ZNF721: variants seen among roughly 807,000 people sequenced by gnomAD.
ZNF721 encodes zinc finger protein 721.
A neutral mutation model predicts 2.4 loss-of-function variants in ZNF721; 2 were observed. The observed-to-expected ratio is 0.82, with a 90% CI of 0.34 to 2.58. The LOEUF is 2.58. Ranked by LOEUF, ZNF721 falls within the 30% of genes most tolerant of loss-of-function variation. The pLI is 0.11. For missense variants in ZNF721, 1,187 were observed against 1,085.5 expected, an observed-to-expected ratio of 1.09 and a Z score of -1.31; for synonymous variants, 398 against 381.8, an observed-to-expected ratio of 1.04 and a Z score of -0.50.
intron 1 of ZNF721, among the ~76,000 whole-genome samples, chr4:480,838 T>A (rs1553869366): frequency 7.4e-6 from 1 of 134,346 alleles, no homozygotes; most frequent in Admixed American, 7.4e-5. Flanking sequence ...GGGGGGGGAA[T>A]GCTGTTATAC....
chr4:473,938 T>C (rs782756453), intron 1 of ZNF721: 2 of 1,502,078 alleles, frequency 1.3e-6, no homozygotes, highest in Non-Finnish European at 1.8e-6. Context: ...CCGGTTCTGA[T>C]GAGGCCTCCC....
At chr4:448,648 A>C (rs1553864467) in intron 2 of ZNF721, among the ~76,000 whole-genome samples, 2 of 152,210 alleles carry the variant, frequency 1.3e-5, no homozygotes, top group Admixed American at 1.3e-4. Flanking sequence ...CAATCTTCAA[A>C]AAGAGAAGCA....
chr4:451,322 T>C (rs1270811452), intron 2 of ZNF721, among the ~76,000 whole-genome samples: 2 of 152,200 alleles, frequency 1.3e-5, no homozygotes, highest in African/African-American at 2.4e-5. Context: ...TCTATTCCTA[T>C]ACGTTAGTTA....
intron 2 of ZNF721, among the ~76,000 whole-genome samples, chr4:456,029 AG>A (rs1714835106): frequency 6.6e-6 from 1 of 151,388 alleles, no homozygotes; most frequent in African/African-American, 2.4e-5. Context: ...AAAAGAAAAC[AG>A]TCATGATCAC....
intron 2 of ZNF721, among the ~76,000 whole-genome samples, chr4:450,957 ATATATATAT>A (rs565840862): frequency 0.047 from 1,567 of 33,502 alleles, 44 homozygotes; most frequent in Non-Finnish European, 0.055. Context: ...AAAAAAAAAA[ATATATATAT>A]ATATATATAT....
rs1553863362 is a variant in ZNF721, at chr4:442,450, C to A, written c.2017G>T (p.Glu673Ter). The A allele has an allele frequency of 1.2e-6, 2 of 1,613,948 alleles. No homozygotes were observed. Among genetic ancestry groups the A allele is most frequent in the Admixed American group, 1.7e-5 (1 of 60,020 alleles). ...GACCATCCAAAGGCTTTGCCACACTCTTCACATTTGTAACTTTGCTCTCCA... is the reference window on the plus strand; with the variant it reads ...GACCATCCAAAGGCTTTGCCACACTATTCACATTTGTAACTTTGCTCTCCA... Reference protein sequence around the residue: ...LTGEQSYKCEECGKAFGWSIA... With the variant: ...LTGEQSYKCE The change falls in exon 3 of 3, where the codon GAG becomes TAG. Residue 673 changes from glutamate (E) to a stop codon, truncating the protein, a stop_gained. Transcript: ENST00000511833. LOFTEE classifies it low-confidence loss of function (END_TRUNC).
At chr4:482,830 G>A (rs557353544) in intron 1 of ZNF721, among the ~76,000 whole-genome samples, 1 of 152,202 alleles carries the variant, frequency 6.6e-6, no homozygotes, top group South Asian at 2.1e-4. Flanking sequence ...AGACAAAGAG[G>A]GCTTGTAGTT....
At chr4:450,982 T>C (rs1553864797) in intron 2 of ZNF721, among the ~76,000 whole-genome samples, 1 of 113,264 alleles carries the variant, frequency 8.8e-6, no homozygotes, top group Admixed American at 9.1e-5. Flanking sequence ...TATATATATA[T>C]ATATATATAT....
intron 2 of ZNF721, among the ~76,000 whole-genome samples, chr4:449,912 T>C (rs1360417073): frequency 7.9e-5 from 12 of 152,044 alleles, no homozygotes; most frequent in African/African-American, 2.9e-4. Context: ...TTAGTGAGAA[T>C]GAATAGAAAA....
chr4:493,675 TC>T (rs1389677302), intron 1 of ZNF721, among the ~76,000 whole-genome samples: 1 of 64,668 alleles, frequency 1.5e-5, no homozygotes, highest in Non-Finnish European at 2.9e-5. Flanking sequence ...GAAGATTCCA[TC>T]CCCCCCGCAA....
intron 2 of ZNF721, among the ~76,000 whole-genome samples, chr4:450,959 ATATATATATATATATAT>A (rs1714640520): frequency 3.2e-4 from 7 of 22,156 alleles, no homozygotes; most frequent in African/African-American, 8.6e-4. Flanking sequence ...AAAAAAAAAT[ATATATATATATATATAT>A]ATATATATAT....
chr4:461,123 C>G (rs1715055930), intron 2 of ZNF721, among the ~76,000 whole-genome samples: 1 of 152,134 alleles, frequency 6.6e-6, no homozygotes, highest in Admixed American at 6.6e-5. Flanking sequence ...ATCCTGATAA[C>G]AAAGCCTGGC....
intron 2 of ZNF721, among the ~76,000 whole-genome samples, chr4:450,955 AAATAT>A (rs1365179335): frequency 2.1e-4 from 6 of 27,950 alleles, no homozygotes; most frequent in African/African-American, 5.1e-4. Flanking sequence ...AAAAAAAAAA[AAATAT>A]ATATATATAT....
At chr4:495,046 C>G (rs1305867321) in intron 1 of ZNF721, among the ~76,000 whole-genome samples, 1 of 151,882 alleles carries the variant, frequency 6.6e-6, no homozygotes, top group Non-Finnish European at 1.5e-5. Context: ...CCATGCCCGG[C>G]TAATTTTTCG....
intron 1 of ZNF721, among the ~76,000 whole-genome samples, chr4:480,120 G>C (rs1483674889): frequency 6.6e-6 from 1 of 152,108 alleles, no homozygotes; most frequent in Non-Finnish European, 1.5e-5. Context: ...AATTAAAATA[G>C]GAATATGCCA....
intron 1 of ZNF721, among the ~76,000 whole-genome samples, chr4:494,290 T>C (rs528778582): frequency 4.6e-5 from 7 of 151,616 alleles, no homozygotes; most frequent in African/African-American, 1.7e-4. Flanking sequence ...CACGCCATTC[T>C]CCTGCTGCAA....
rs1714640584 is a variant in ZNF721 at position 450,959 on chromosome 4, ATATATATATATATATATAT to A, written c.35-6546_35-6528del. 1.8e-4 allele frequency among the ~76,000 whole-genome samples: 4 copies of A among 22,174 alleles called. 1 individual carries two copies. Among genetic ancestry groups the A allele is most frequent in the Non-Finnish European group, 2.9e-4 (4 of 13,618 alleles). 14.5% of individuals were successfully genotyped at this position (22,174 alleles called of 152,430 possible). ...CTCCAAAAAAAAAAAAAAAAAAAAT[ATATATATATATATATATAT>A]ATATATATATATATATATCCCAAAA... On this transcript the variant is annotated intron_variant, in intron 2 of 2. Transcript: ENST00000511833.
chr4:482,556 G>T (rs1446729844), intron 1 of ZNF721, among the ~76,000 whole-genome samples: 8 of 151,920 alleles, frequency 5.3e-5, no homozygotes, highest in African/African-American at 1.9e-4. Context: ...AAGTGAAGTG[G>T]CGTGATCTCG....
chr4:499,131 G>T lies in ZNF721; in HGVS notation c.-169C>A. 1 of 587,448 alleles carries T rather than the reference G, an allele frequency of 1.7e-6. No individual in the cohort carries two copies. The highest frequency in any genetic ancestry group is 2.3e-5 in the South Asian group (1 of 44,016). The allele number at this position is 587,448 out of a possible 1,614,324, so 36.4% of individuals were successfully genotyped here. A position where few individuals can be genotyped will look rare whatever the true frequency, so the allele number is the denominator to read the frequency against. On this transcript the variant is annotated 5_prime_UTR_variant, in exon 1 of 3. Coordinates refer to ENST00000511833, the MANE Select transcript of ZNF721 (RefSeq NM_133474.4). ...GAGCCGGGAACACCGCCCGCTGTTC[G>T]TATGTCCGAGGTGACGCCCCGCTGT...
Sources: allele counts gnomAD v4.1 joint callset (sites outside exome capture counted in the v4.1 genomes callset), GRCh38; gene constraint gnomAD v4.1.1; transcripts MANE v1.5; gene names NCBI Gene and HGNC (gene_info 2026-07-23, HGNC 2026-07-21).